TENM2: variants seen among roughly 807,000 people sequenced by gnomAD.
TENM2 encodes teneurin transmembrane protein 2, also known as teneurin-2.
In TENM2, 52 loss-of-function variants were observed where a neutral mutation model predicts 245.2. That is an observed-to-expected ratio of 0.21 (90% CI 0.17 to 0.27). The LOEUF (loss-of-function observed/expected upper bound fraction) is 0.27. Ranked by LOEUF, TENM2 falls within the 10% of genes least tolerant of loss-of-function variation. TENM2 has a pLI of 1.00. For missense variants in TENM2, 3,046 were observed against 3,666.8 expected (o/e 0.83, Z 4.37); for synonymous variants, 1,363 against 1,438.9 (o/e 0.95, Z 1.19).
rs531512057 is a variant in TENM2, at chr5:167,970,643, G to GGT, written c.947+17828_947+17829dup. On this transcript the variant is annotated intron_variant, in intron 4 of 28. Transcript: ENST00000518659. ...CAATGCAGTATATTCTGTTTGTTGTGGTGTGTGTAGGTGAGACAGATTGCA... is the reference window on the plus strand; with the variant it reads ...CAATGCAGTATATTCTGTTTGTTGTGGTGTGTGTGTAGGTGAGACAGATTGCA... 2.2e-4 allele frequency among the ~76,000 whole-genome samples: 33 copies of GGT among 152,246 alleles called. 1 individual carries two copies. In the South Asian group the frequency reaches 6.2e-3, roughly 29 times the overall value.
chr5:167,825,070 T>C (rs1241034745), intron 2 of TENM2, among the ~76,000 whole-genome samples: 4 of 152,156 alleles, frequency 2.6e-5, no homozygotes, highest in African/African-American at 4.8e-5. Flanking sequence ...GAAATCTGGT[T>C]GGGAGGGAGG....
the TENM2 span, among the ~76,000 whole-genome samples, chr5:167,062,734 A>G: frequency 1.3e-5 from 2 of 152,244 alleles, no homozygotes; most frequent in African/African-American, 2.4e-5. Flanking sequence ...AAATAATTTC[A>G]CATAGCAATA....
chr5:167,351,926 C>G (rs1250777768), intron 1 of TENM2, among the ~76,000 whole-genome samples: 4 of 152,052 alleles, frequency 2.6e-5, no homozygotes, highest in African/African-American at 9.7e-5. Context: ...TCAACATTCT[C>G]TGATTTGAGG....
At chr5:167,196,194 A>G in the TENM2 span, among the ~76,000 whole-genome samples, 1 of 152,060 alleles carries the variant, frequency 6.6e-6, no homozygotes, top group Non-Finnish European at 1.5e-5. Context: ...TACAATGACA[A>G]GTATTTGTGT....
chr5:167,913,020 A>C (rs12109455), intron 3 of TENM2, among the ~76,000 whole-genome samples: 26,361 of 152,060 alleles, frequency 0.17, 2,732 homozygotes, highest in East Asian at 0.37. Flanking sequence ...GCTATCTCTT[A>C]AAAGGCCTGG....
At chr5:168,038,430 C>G (rs1787896916) in intron 5 of TENM2, among the ~76,000 whole-genome samples, 2 of 152,162 alleles carry the variant, frequency 1.3e-5, no homozygotes, top group African/African-American at 4.8e-5. Context: ...ACACTTGGCT[C>G]TAAAACCAGC....
At chr5:167,791,470 A>G (rs1764963013) in intron 2 of TENM2, among the ~76,000 whole-genome samples, 1 of 134,066 alleles carries the variant, frequency 7.5e-6, no homozygotes, top group South Asian at 2.3e-4. Flanking sequence ...TTATATATTT[A>G]TAATTTATTA....
chr5:167,978,146 C>G (rs564019307), intron 4 of TENM2, among the ~76,000 whole-genome samples: 2 of 152,288 alleles, frequency 1.3e-5, no homozygotes, highest in Admixed American at 1.3e-4. Context: ...TCTTTTACAG[C>G]CTGCAGAATC....
intron 1 of TENM2, among the ~76,000 whole-genome samples, chr5:167,320,733 A>C (rs1756662163): frequency 6.6e-6 from 1 of 152,196 alleles, no homozygotes; most frequent in Non-Finnish European, 1.5e-5. Context: ...CCCTCACCAG[A>C]TGGTGGCACT....
At chr5:167,754,774 G>A (rs920141863) in intron 2 of TENM2, among the ~76,000 whole-genome samples, 1 of 149,774 alleles carries the variant, frequency 6.7e-6, no homozygotes, top group African/African-American at 2.4e-5. Flanking sequence ...CCAGAAAGAT[G>A]CAGAAATGTC....
chr5:167,912,835 A>G (rs933514582), intron 3 of TENM2, among the ~76,000 whole-genome samples: 4 of 152,162 alleles, frequency 2.6e-5, no homozygotes. Flanking sequence ...CCCAAGAGTA[A>G]CTAGAGAGTG....
In TENM2 at chr5:167,540,523, T is replaced by C. The variant is rs536712140; in HGVS notation, c.502+165050T>C. Among the ~76,000 whole-genome samples, 12 of 152,368 alleles carry C rather than the reference T, an allele frequency of 7.9e-5. No individual in the cohort carries two copies. The East Asian group carries it at 2.3e-3, about 29-fold the overall frequency. On this transcript the variant is annotated intron_variant, in intron 2 of 28. Transcript: ENST00000518659. The stretch of plus-strand genomic sequence containing the variant: ...GCATATAGCCATGCTCATTCGTTTA[T>C]GTACTGTCTGTGGCTGGTTTCACAC...
chr5:167,509,888 C>T (rs988470445), intron 2 of TENM2, among the ~76,000 whole-genome samples: 13 of 152,100 alleles, frequency 8.5e-5, no homozygotes, highest in African/African-American at 1.7e-4. Flanking sequence ...TCTTTTGACT[C>T]CCAAGCCCAT....
At chr5:167,635,754 C>T (rs1582609962) in intron 2 of TENM2, among the ~76,000 whole-genome samples, 1 of 150,070 alleles carries the variant, frequency 6.7e-6, no homozygotes, top group Admixed American at 6.8e-5. Flanking sequence ...ACGCCATTCT[C>T]CTGCCTCAGC....
chr5:167,364,856 GA>G (rs753695015), intron 1 of TENM2, among the ~76,000 whole-genome samples: 47 of 149,588 alleles, frequency 3.1e-4, no homozygotes, highest in Middle Eastern at 6.8e-3. Context: ...GGAGGAAAGA[GA>G]AAAAAAAACT....
intron 2 of TENM2, among the ~76,000 whole-genome samples, chr5:167,707,082 T>G (rs941465485): frequency 6.6e-6 from 1 of 151,698 alleles, no homozygotes; most frequent in African/African-American, 2.4e-5. Flanking sequence ...TGTTTTCTTC[T>G]GTTTTCTTCA....
chr5:168,238,159 G>GAA (rs1765680107), intron 25 of TENM2, among the ~76,000 whole-genome samples: 1 of 54,604 alleles, frequency 1.8e-5, no homozygotes, highest in African/African-American at 1.8e-4. Context: ...AAGAAAGAAA[G>GAA]AGAGAGAGAG....
Position 168,247,858 on chromosome 5 carries a change from C to T in TENM2, c.6919C>T (p.Arg2307Trp), listed in dbSNP as rs1766735736. 3.7e-6 allele frequency: 6 copies of T among 1,613,880 alleles called. No homozygotes were observed. The highest frequency in any genetic ancestry group is 4.2e-6 in the Non-Finnish European group (5 of 1,179,884). The change falls in exon 27 of 29, where the codon CGG becomes TGG. Residue 2307 changes from arginine to tryptophan, a missense_variant. Coordinates refer to ENST00000518659, the Ensembl canonical transcript of TENM2. This position sits in a 1 kb window ranked among gnomAD's most constrained non-coding sequence, Gnocchi z 7.8. ...CCAGTACCGCTATGATGGCGTAGGA[C>T]GGCGGGCTTCCTACAAGACCAACCT...
chr5:167,770,560 G>T (rs904410686), intron 2 of TENM2, among the ~76,000 whole-genome samples: 2 of 152,178 alleles, frequency 1.3e-5, no homozygotes, highest in Non-Finnish European at 2.9e-5. Context: ...TACTTAGGAA[G>T]TGGCAGATGT....
Sources: allele counts gnomAD v4.1 joint callset (sites outside exome capture counted in the v4.1 genomes callset), GRCh38; gene constraint gnomAD v4.1.1; non-coding constraint Gnocchi (gnomAD v3.1); transcripts MANE v1.5; gene names NCBI Gene and HGNC (gene_info 2026-07-23, HGNC 2026-07-21).